DNAH5: variants seen among roughly 807,000 people sequenced by gnomAD.
DNAH5 encodes the protein dynein axonemal heavy chain 5, also known as axonemal beta dynein heavy chain 5.
DNAH5 carries 372 observed loss-of-function variants against 518.2 expected under a neutral mutation model. The observed-to-expected ratio is 0.72, with a 90% CI of 0.66 to 0.78. The LOEUF (loss-of-function observed/expected upper bound fraction) is 0.78, where lower values mean the gene tolerates loss of function less well. DNAH5 is among the 30% of genes least tolerant of loss of function. The pLI is 0.00. For missense variants in DNAH5, 5,523 were observed against 5,687.0 expected (o/e 0.97, Z 0.93); for synonymous variants, 2,039 against 2,025.9 (o/e 1.01, Z -0.17).
chr5:13,762,130 TG>T (rs1004725220), intron 60 of DNAH5, among the ~76,000 whole-genome samples: 3 of 152,172 alleles, frequency 2.0e-5, no homozygotes, highest in African/African-American at 7.2e-5. Context: ...GACCTTTTAA[TG>T]GTAGAGGAAT....
chr5:13,726,688 T>C (rs1359709866), intron 70 of DNAH5, among the ~76,000 whole-genome samples: 2 of 152,228 alleles, frequency 1.3e-5, no homozygotes, highest in African/African-American at 4.8e-5. Context: ...TCATTGAATC[T>C]GGTTGTTTTC....
At chr5:13,731,377 G>A (rs1746524074) in intron 68 of DNAH5, among the ~76,000 whole-genome samples, 1 of 152,194 alleles carries the variant, frequency 6.6e-6, no homozygotes, top group Admixed American at 6.5e-5. Context: ...AGAGGGTTAG[G>A]GAAAGGCTAT....
intron 30 of DNAH5, among the ~76,000 whole-genome samples, chr5:13,851,881 A>T (rs1399966157): frequency 6.6e-6 from 1 of 151,964 alleles, no homozygotes; most frequent in Non-Finnish European, 1.5e-5. Flanking sequence ...TACCTGGCTC[A>T]TCTCATTGGG....
At chr5:13,861,535 G>A (rs72735017) in intron 29 of DNAH5, among the ~76,000 whole-genome samples, 17 of 152,112 alleles carry the variant, frequency 1.1e-4, no homozygotes, top group Non-Finnish European at 2.1e-4. Context: ...AAGATTCTGG[G>A]GAACAAAAAC....
At chr5:13,928,914 C>T (rs370788835) in intron 2 of DNAH5, among the ~76,000 whole-genome samples, 14 of 152,078 alleles carry the variant, frequency 9.2e-5, no homozygotes, top group East Asian at 5.8e-4. Flanking sequence ...ATGGTGGAGC[C>T]GTTGTGGAAA....
chr5:13,861,369 T>A (rs927270364), intron 29 of DNAH5, among the ~76,000 whole-genome samples: 1 of 152,150 alleles, frequency 6.6e-6, no homozygotes, highest in Non-Finnish European at 1.5e-5. Context: ...ATAAGAGAAA[T>A]TTTTTTGAAA....
At chr5:13,696,383 G>T (rs1425001330) in intron 78 of DNAH5, among the ~76,000 whole-genome samples, 4 of 152,126 alleles carry the variant, frequency 2.6e-5, no homozygotes, top group Non-Finnish European at 5.9e-5. Flanking sequence ...CCGTCTTGGT[G>T]AATTTAGTAC....
chr5:13,819,578 A>G (rs1426988892), intron 41 of DNAH5, among the ~76,000 whole-genome samples: 1 of 152,092 alleles, frequency 6.6e-6, no homozygotes, highest in East Asian at 1.9e-4. Flanking sequence ...ACCTCAATGC[A>G]CTGCTATATA....
intron 70 of DNAH5, among the ~76,000 whole-genome samples, chr5:13,725,483 C>G (rs1745597887): frequency 6.6e-6 from 1 of 152,192 alleles, no homozygotes. Context: ...AGCCTGCCAG[C>G]CTTTAAAGAA....
At chr5:13,771,298 G>T in intron 55 of DNAH5, 1 of 356,826 alleles carries the variant, frequency 2.8e-6, no homozygotes, top group South Asian at 2.8e-5. Context: ...TTTACATCAG[G>T]ACAAATGGTA....
At position 13,781,036 on chromosome 5, in the gene DNAH5, A is replaced by G. The variant is rs1755044691; in HGVS notation, c.8821-77T>C. On this transcript the variant is annotated intron_variant, in intron 52 of 78. Transcript: ENST00000265104. ...TTTTTCCTATTTATTCAATATATGA[A>G]TAAGGCCTAATTATTATTTTGGAAG... 2.0e-6 allele frequency: 3 copies of G among 1,493,912 alleles called. No homozygotes were observed. In the South Asian group the frequency reaches 3.5e-5, roughly 17 times the overall value. 92.5% of individuals were successfully genotyped at this position (1,493,912 alleles called of 1,614,324 possible).
chr5:13,777,844 T>C (rs2126816902), intron 53 of DNAH5, among the ~76,000 whole-genome samples: 1 of 152,292 alleles, frequency 6.6e-6, no homozygotes, highest in South Asian at 2.1e-4. Context: ...CATGTTTGTA[T>C]TATACATAAA....
chr5:13,877,413 T>C (rs980722729), intron 21 of DNAH5, among the ~76,000 whole-genome samples: 5 of 152,206 alleles, frequency 3.3e-5, no homozygotes, highest in African/African-American at 9.6e-5. Flanking sequence ...ATGATATTAG[T>C]TGGGGGCAAA....
intron 47 of DNAH5, among the ~76,000 whole-genome samples, chr5:13,796,275 T>A (rs1757804365): frequency 6.6e-6 from 1 of 152,212 alleles, no homozygotes; most frequent in South Asian, 2.1e-4. Flanking sequence ...TGTTTGCAGA[T>A]GACATGGTTG....
chr5:13,736,046 G>T, intron 66 of DNAH5, 114 bp from the exon 67 acceptor site: 1 of 785,450 alleles, frequency 1.3e-6, no homozygotes. Flanking sequence ...TTAGGCAGTG[G>T]CTGCCTACCA....
chr5:13,873,701 G>A (rs1364078916), intron 22 of DNAH5, among the ~76,000 whole-genome samples: 2 of 151,818 alleles, frequency 1.3e-5, no homozygotes, highest in Non-Finnish European at 2.9e-5. Flanking sequence ...AGATCTCACT[G>A]TGTTACCCAA....
chr5:13,876,677 G>T lies in DNAH5; in HGVS notation c.3396+7C>A. On this transcript the variant is annotated splice_region_variant and intron_variant, in intron 22 of 78. Coordinates refer to ENST00000265104, the MANE Select transcript of DNAH5 (RefSeq NM_001369.3). The stretch of plus-strand genomic sequence containing the variant: ...AAAGGTCCGGCTGCCAGACCCTCTT[G>T]ACATACCTTTTTGGTGGAGTTGATA... 1.2e-6 allele frequency: 2 copies of T among 1,613,204 alleles called. No individual in the cohort carries two copies. The highest frequency in any genetic ancestry group is 2.2e-5 in the South Asian group (2 of 90,908).
intron 28 of DNAH5, among the ~76,000 whole-genome samples, chr5:13,863,531 GCCCTC>G (rs1402172352): frequency 6.6e-6 from 1 of 151,746 alleles, no homozygotes; most frequent in African/African-American, 2.4e-5. Flanking sequence ...TTCATCTTTA[GCCCTC>G]CCCTTCCTTC....
chr5:14,008,578 G>A (rs983617156), intron 1 of DNAH5, among the ~76,000 whole-genome samples: 13 of 151,956 alleles, frequency 8.6e-5, no homozygotes, highest in Admixed American at 3.3e-4. Flanking sequence ...TGGAGATGGA[G>A]GTTGCAGATT....
Sources: allele counts gnomAD v4.1 joint callset (sites outside exome capture counted in the v4.1 genomes callset), GRCh38; gene constraint gnomAD v4.1.1; transcripts MANE v1.5; gene names NCBI Gene and HGNC (gene_info 2026-07-23, HGNC 2026-07-21).